Variants in RIC8B observed in about 807,000 individuals in gnomAD.
RIC8B encodes RIC8 guanine nucleotide exchange factor B.
Under a neutral mutation model 57.5 loss-of-function variants are expected in RIC8B, and 16 were observed. The observed-to-expected ratio is 0.28, with a 90% CI of 0.19 to 0.42. The LOEUF is 0.42. RIC8B is among the 10% of genes least tolerant of loss of function. The probability of loss-of-function intolerance (pLI) is 1.00; values close to 1 mark genes in which losing one functional copy is unlikely to be tolerated. For synonymous variants in RIC8B, 216 were observed against 250.8 expected (o/e 0.86, Z 1.31); for missense variants, 481 against 677.0 (o/e 0.71, Z 3.21).
chr12:106,868,766 G>GACACACACACACACACACACACAC (rs56293147), intron 8 of RIC8B, among the ~76,000 whole-genome samples: 16 of 123,026 alleles, frequency 1.3e-4, no homozygotes, highest in African/African-American at 5.0e-4. Flanking sequence ...AGGCACTCTA[G>GACACACACACACACACACACACAC]ACACACACAC....
At chr12:106,851,350 A>G in intron 6 of RIC8B, 100 bp from the exon 7 acceptor site, 1 of 803,784 alleles carries the variant, frequency 1.2e-6, no homozygotes, top group South Asian at 3.6e-5. Context: ...CCTACAATAC[A>G]AACCCCAGTA....
rs1270747996 is a variant in RIC8B, at chr12:106,842,746, A to G, written c.994A>G (p.Met332Val). Reference protein sequence around the residue: ...EKETVLKNNTMVYNGMNMEAI... With the variant: ...EKETVLKNNTVVYNGMNMEAI... ...AGAAACAGTTTTGAAAAACAATACC[A>G]TGGTATACAATGGTATGAATATGGA... Residue 332 changes from methionine to valine, a missense_variant, in exon 5 of 10, where the codon ATG (methionine) becomes GTG (valine). Transcript: ENST00000392837. The G allele has an allele frequency of 7.4e-6, 12 of 1,613,642 alleles. No individual in the cohort carries two copies. Among genetic ancestry groups the G allele is most frequent in the African/African-American group, 1.3e-5 (1 of 74,928 alleles).
intron 2 of RIC8B, among the ~76,000 whole-genome samples, chr12:106,813,187 C>CTTTTT (rs35584850): frequency 1.5e-4 from 15 of 98,680 alleles, no homozygotes; most frequent in African/African-American, 1.9e-4. Context: ...AATACTATGC[C>CTTTTT]TTTTTTTTTT....
At chr12:106,804,687 A>G (rs2044923243) in intron 2 of RIC8B, among the ~76,000 whole-genome samples, 1 of 152,248 alleles carries the variant, frequency 6.6e-6, no homozygotes, top group Non-Finnish European at 1.5e-5. Context: ...TATTCAACAT[A>G]TTTGACAGCA....
At position 106,842,173 on chromosome 12, in the gene RIC8B, T is replaced by C. The variant is rs184224140; in HGVS notation, c.837-416T>C. 1.8e-3 allele frequency among the ~76,000 whole-genome samples: 277 copies of C among 152,346 alleles called. 1 individual carries two copies. Among genetic ancestry groups the C allele is most frequent in the African/African-American group, 6.3e-3 (263 of 41,592 alleles). The stretch of plus-strand genomic sequence containing the variant: ...ACTGATAAGCTGCTTATTTTCAGTG[T>C]TTCTCAAATGCTTTATGTTGTAATC... On this transcript the variant is annotated intron_variant, in intron 4 of 9. Coordinates refer to ENST00000392837, the MANE Select transcript of RIC8B (RefSeq NM_001330145.2).
At chr12:106,787,073 A>ATT (rs1180324167) in intron 2 of RIC8B, among the ~76,000 whole-genome samples, 25 of 152,174 alleles carry the variant, frequency 1.6e-4, no homozygotes, top group Admixed American at 1.6e-3. Flanking sequence ...TATTTCCAAT[A>ATT]GGGTAGTAGA....
intron 4 of RIC8B, among the ~76,000 whole-genome samples, chr12:106,828,278 A>G (rs1331543761): frequency 6.6e-6 from 1 of 152,164 alleles, no homozygotes; most frequent in African/African-American, 2.4e-5. Flanking sequence ...TTTAATCAGA[A>G]TTAGAGTGAT....
chr12:106,795,666 A>G (rs970365500), intron 2 of RIC8B, among the ~76,000 whole-genome samples: 2 of 152,148 alleles, frequency 1.3e-5, no homozygotes, highest in Admixed American at 1.3e-4. Flanking sequence ...TGGAGCCACC[A>G]TCTTGAATAT....
intron 2 of RIC8B, among the ~76,000 whole-genome samples, chr12:106,799,895 T>C (rs2044652460): frequency 6.6e-6 from 1 of 152,128 alleles, no homozygotes; most frequent in African/African-American, 2.4e-5. Flanking sequence ...CCGTAGACTG[T>C]ATGGCTTAAA....
At chr12:106,789,381 C>T (rs774418364) in intron 2 of RIC8B, among the ~76,000 whole-genome samples, 5 of 152,184 alleles carry the variant, frequency 3.3e-5, no homozygotes, top group Middle Eastern at 3.4e-3. Context: ...TCCATATTTT[C>T]GGGTATCTTT....
intron 2 of RIC8B, among the ~76,000 whole-genome samples, chr12:106,793,682 AAGTC>A (rs150051310): frequency 0.018 from 2,790 of 152,306 alleles, 45 homozygotes; most frequent in Middle Eastern, 0.051. Flanking sequence ...GGAAAAGAGA[AAGTC>A]AGAGGGGTCT....
At chr12:106,826,599 C>A (rs1252030371) in intron 4 of RIC8B, among the ~76,000 whole-genome samples, 2 of 151,792 alleles carry the variant, frequency 1.3e-5, no homozygotes, top group Non-Finnish European at 2.9e-5. Flanking sequence ...ATTAAAAATA[C>A]AAAAAAAGTA....
chr12:106,852,555 A>C (rs988698582), intron 7 of RIC8B, among the ~76,000 whole-genome samples: 5 of 152,250 alleles, frequency 3.3e-5, no homozygotes, highest in African/African-American at 1.2e-4. Flanking sequence ...GAGAGGTATC[A>C]TGTGCCTGAC....
chr12:106,782,766 G>T (rs1014321364), intron 1 of RIC8B, among the ~76,000 whole-genome samples: 1 of 152,014 alleles, frequency 6.6e-6, no homozygotes, highest in African/African-American at 2.4e-5. Flanking sequence ...TTAAAAAATT[G>T]CTGCTTCTAC....
chr12:106,783,836 C>T (rs2043876362), intron 1 of RIC8B, among the ~76,000 whole-genome samples, 161 bp from the exon 2 acceptor site: 1 of 152,144 alleles, frequency 6.6e-6, no homozygotes, highest in Non-Finnish European at 1.5e-5. Flanking sequence ...TGCTTTATAA[C>T]TATTTGTTTA....
chr12:106,816,564 C>G (rs2045583887), intron 3 of RIC8B, among the ~76,000 whole-genome samples: 1 of 152,114 alleles, frequency 6.6e-6, no homozygotes, highest in Non-Finnish European at 1.5e-5. Flanking sequence ...GGTTATTTTT[C>G]TTACGCTGTT....
chr12:106,870,886 A>G lies in RIC8B; in HGVS notation c.1515A>G (p.Glu505=). Residue 505 remains glutamate (E), a synonymous_variant, in exon 9 of 10, where the codon GAA becomes GAG. Coordinates refer to ENST00000392837, the MANE Select transcript of RIC8B (RefSeq NM_001330145.2). ...PMPNPIDEMT[E]EQKEYEAMKL... ...CAAACCCCATAGATGAAATGACAGA[A>G]GAACAAAAAGAATATGAAGCCATGA... The G allele has an allele frequency of 6.5e-7, 1 of 1,548,920 alleles. No individual in the cohort carries two copies. Among genetic ancestry groups the G allele is most frequent in the Non-Finnish European group, 8.7e-7 (1 of 1,145,038 alleles).
intron 1 of RIC8B, among the ~76,000 whole-genome samples, chr12:106,776,273 A>G (rs1313457964): frequency 6.6e-6 from 1 of 152,214 alleles, no homozygotes; most frequent in African/African-American, 2.4e-5. Context: ...ATTGTTGAAC[A>G]TGTCTGCCTA....
chr12:106,886,137 A>G lies in RIC8B; in HGVS notation c.*122A>G. The G allele has an allele frequency of 1.5e-6, 1 of 686,210 alleles. No individual in the cohort carries two copies. Among genetic ancestry groups the G allele is most frequent in the Non-Finnish European group, 2.5e-6 (1 of 399,696 alleles). 42.5% of individuals were successfully genotyped at this position (686,210 alleles called of 1,614,324 possible). ...TGGCTAGAAACACATTAACTGGTTT[A>G]CTCATTGAGAATCCAGCATATTTAA... is the stretch of plus-strand genomic sequence containing the variant. On this transcript the variant is annotated 3_prime_UTR_variant, in exon 10 of 10. Coordinates refer to ENST00000392837, the MANE Select transcript of RIC8B (RefSeq NM_001330145.2).
Sources: allele counts gnomAD v4.1 joint callset (sites outside exome capture counted in the v4.1 genomes callset), GRCh38; gene constraint gnomAD v4.1.1; transcripts MANE v1.5; gene names NCBI Gene and HGNC (gene_info 2026-07-23, HGNC 2026-07-21).